The following CHSY3 variants were observed in gnomAD, a reference collection of about 807,000 sequenced individuals.
The protein encoded by CHSY3 is chondroitin sulfate synthase 3.
In CHSY3, 35 loss-of-function variants were observed where a neutral mutation model predicts 67.2. The observed-to-expected ratio is 0.52, with a 90% CI of 0.40 to 0.69. CHSY3 has a LOEUF of 0.69. Among genes scored for constraint, CHSY3 ranks in the 30% least tolerant of loss-of-function variants. CHSY3 has a pLI of 0.00. For missense variants in CHSY3, 1,069 were observed against 1,138.5 expected (o/e 0.94, Z 0.88); for synonymous variants, 474 against 434.7 (o/e 1.09, Z -1.12).
At chr5:130,178,889 C>A (rs865853779) in intron 2 of CHSY3, among the ~76,000 whole-genome samples, 2 of 152,180 alleles carry the variant, frequency 1.3e-5, no homozygotes, top group South Asian at 2.1e-4. Context: ...AACTTTTACT[C>A]CTATTTCTGG....
At chr5:130,051,563 A>G (rs1473038245) in intron 2 of CHSY3, among the ~76,000 whole-genome samples, 1 of 152,176 alleles carries the variant, frequency 6.6e-6, no homozygotes, top group Non-Finnish European at 1.5e-5. Context: ...AAATGATCAT[A>G]GGATGTCATT....
chr5:130,091,146 G>GCACACACACA (rs148312347), intron 2 of CHSY3, among the ~76,000 whole-genome samples: 62 of 149,550 alleles, frequency 4.1e-4, no homozygotes, highest in African/African-American at 1.5e-3. Flanking sequence ...GCACACGCGC[G>GCACACACACA]CACACACACA....
chr5:130,116,377 C>G (rs1767801547), intron 2 of CHSY3, among the ~76,000 whole-genome samples: 1 of 152,146 alleles, frequency 6.6e-6, no homozygotes, highest in Non-Finnish European at 1.5e-5. Flanking sequence ...AATATGTTAT[C>G]AAAATAAGTT....
chr5:130,150,362 C>T (rs796309131), intron 2 of CHSY3, among the ~76,000 whole-genome samples: 2 of 151,990 alleles, frequency 1.3e-5, no homozygotes, highest in African/African-American at 4.8e-5. Flanking sequence ...TATCTAGCCA[C>T]ACACAAATTT....
intron 2 of CHSY3, among the ~76,000 whole-genome samples, chr5:129,950,398 C>T (rs1422814623): frequency 6.6e-6 from 1 of 152,034 alleles, no homozygotes; most frequent in African/African-American, 2.4e-5. Flanking sequence ...CTTCTATTCA[C>T]CATATCCCTG....
At chr5:130,137,644 C>T (rs1470430891) in intron 2 of CHSY3, among the ~76,000 whole-genome samples, 1 of 152,110 alleles carries the variant, frequency 6.6e-6, no homozygotes, top group African/African-American at 2.4e-5. Context: ...ATTTGTTTTC[C>T]TACTTTTATT....
At chr5:129,917,571 C>G (rs1365885219) in intron 2 of CHSY3, among the ~76,000 whole-genome samples, 2 of 152,158 alleles carry the variant, frequency 1.3e-5, no homozygotes, top group Non-Finnish European at 2.9e-5. Flanking sequence ...TATTAGAAGC[C>G]CTTAGAATAA....
chr5:130,008,320 C>G (rs1763936738), intron 2 of CHSY3, among the ~76,000 whole-genome samples: 1 of 152,166 alleles, frequency 6.6e-6, no homozygotes. Flanking sequence ...GGGTCTAGTC[C>G]CAGCACCTAG....
intron 2 of CHSY3, among the ~76,000 whole-genome samples, chr5:130,085,081 G>A (rs1766569485): frequency 6.6e-6 from 1 of 151,898 alleles, no homozygotes; most frequent in African/African-American, 2.4e-5. Context: ...TTCTCATCAT[G>A]GCCTGAACTA....
chr5:130,146,779 TTTTTG>T (rs536430526), intron 2 of CHSY3, among the ~76,000 whole-genome samples: 3 of 151,932 alleles, frequency 2.0e-5, no homozygotes, highest in South Asian at 2.1e-4. Context: ...TTTCATTTGT[TTTTTG>T]TTTTGTTTTG....
intron 2 of CHSY3, among the ~76,000 whole-genome samples, chr5:129,940,120 T>C (rs1408058221): frequency 2.0e-5 from 3 of 152,154 alleles, no homozygotes; most frequent in Non-Finnish European, 4.4e-5. Context: ...CCCCTGAAAA[T>C]ATGAGGACAC....
chr5:130,078,739 A>C (rs1481630293), intron 2 of CHSY3, among the ~76,000 whole-genome samples: 1 of 152,158 alleles, frequency 6.6e-6, no homozygotes, highest in African/African-American at 2.4e-5. Context: ...ACTTCATCAA[A>C]GCAGACCTTA....
rs140762803 is a variant in CHSY3 at position 130,161,601 on chromosome 5, A to C, written c.1087-22628A>C. On this transcript the variant is annotated intron_variant, in intron 2 of 2. Coordinates refer to ENST00000305031, the MANE Select transcript of CHSY3 (RefSeq NM_175856.5). The stretch of plus-strand genomic sequence containing the variant: ...TGTGGTTACATTTTGCAATTTATTC[A>C]GAGTTTGCTCTTATGTTAGCATAGC... Among the ~76,000 whole-genome samples, 111 of 152,354 alleles carry C rather than the reference A, an allele frequency of 7.3e-4. No individual in the cohort carries two copies. In the East Asian group the frequency reaches 0.017, roughly 24 times the overall value.
At chr5:130,113,356 A>G (rs1043015274) in intron 2 of CHSY3, among the ~76,000 whole-genome samples, 37 of 152,182 alleles carry the variant, frequency 2.4e-4, no homozygotes, top group Admixed American at 7.2e-4. Flanking sequence ...ACAAGTGTAT[A>G]TCTCAATCTC....
intron 2 of CHSY3, among the ~76,000 whole-genome samples, chr5:130,182,669 A>G (rs1044547020): frequency 6.6e-6 from 1 of 152,098 alleles, no homozygotes; most frequent in South Asian, 2.1e-4. Flanking sequence ...CCATTGTAGG[A>G]TGTAGGGGAT....
intron 2 of CHSY3, among the ~76,000 whole-genome samples, chr5:130,122,333 T>C (rs1296240385): frequency 6.6e-6 from 1 of 152,198 alleles, no homozygotes; most frequent in Non-Finnish European, 1.5e-5. Context: ...TTTAAGATAA[T>C]ATTTGGGCAA....
rs57461404 is a variant in CHSY3, at chr5:129,930,332, C to CAA, written c.1086+21988_1086+21989dup. 4.7e-3 allele frequency among the ~76,000 whole-genome samples: 350 copies of CAA among 74,240 alleles called. 1 individual carries two copies. Among genetic ancestry groups the CAA allele is most frequent in the African/African-American group, 0.016 (332 of 20,942 alleles). 48.7% of individuals were successfully genotyped at this position (74,240 alleles called of 152,430 possible). A position where few individuals can be genotyped will look rare whatever the true frequency, so the allele number is the denominator to read the frequency against. ...TGAGCAGCAGAACCAGACTCTATCT[C>CAA]AAAAAAAAAAAAAAAAAGCTATCCC... On this transcript the variant is annotated intron_variant, in intron 2 of 2. Coordinates refer to ENST00000305031, the MANE Select transcript of CHSY3 (RefSeq NM_175856.5).
intron 2 of CHSY3, among the ~76,000 whole-genome samples, chr5:130,085,560 G>C (rs1422577375): frequency 6.6e-6 from 1 of 152,034 alleles, no homozygotes; most frequent in Non-Finnish European, 1.5e-5. Flanking sequence ...CAAAAAACCA[G>C]CTCCTGGATT....
chr5:129,915,436 A>G (rs12515675), intron 2 of CHSY3, among the ~76,000 whole-genome samples: 18,406 of 152,260 alleles, frequency 0.12, 1,142 homozygotes, highest in South Asian at 0.21. Flanking sequence ...TAGAAAGTGT[A>G]TAACACGTTT....
Sources: gnomAD v4.1 joint callset for allele counts (sites outside exome capture counted in the v4.1 genomes callset) on GRCh38, gnomAD v4.1.1 for gene constraint, MANE v1.5 for transcripts, NCBI Gene and HGNC (gene_info 2026-07-23, HGNC 2026-07-21) for gene names.